The following ST6GALNAC5 variants were observed in gnomAD, a reference collection of about 807,000 sequenced individuals.
ST6GALNAC5 encodes the protein ST6 N-acetylgalactosaminide alpha-2,6-sialyltransferase 5, also known as alpha-N-acetylgalactosaminide alpha-2,6-sialyltransferase 5.
In ST6GALNAC5, 27 loss-of-function variants were observed where a neutral mutation model predicts 33.6. The ratio of observed to expected loss-of-function variants is 0.80; its 90% CI spans 0.59 to 1.11. The LOEUF is 1.11. Ranked by LOEUF, ST6GALNAC5 falls within the 50% of genes least tolerant of loss-of-function variation. The pLI, the probability that ST6GALNAC5 is intolerant of heterozygous loss-of-function variation, is 0.00. For synonymous variants in ST6GALNAC5, 194 were observed against 171.2 expected, an observed-to-expected ratio of 1.13 and a Z score of -1.04; for missense variants, 428 against 454.0, an observed-to-expected ratio of 0.94 and a Z score of 0.52.
chr1:77,031,117 C>A (rs966117144), intron 2 of ST6GALNAC5, among the ~76,000 whole-genome samples: 1 of 152,196 alleles, frequency 6.6e-6, no homozygotes, highest in Non-Finnish European at 1.5e-5. Flanking sequence ...AAGATTAAAG[C>A]AGGTGGCAAA....
intron 2 of ST6GALNAC5, among the ~76,000 whole-genome samples, chr1:76,881,357 A>T (rs1212449249): frequency 1.3e-5 from 2 of 152,190 alleles, no homozygotes; most frequent in Admixed American, 6.5e-5. Context: ...CTTTCTAAAT[A>T]AAAAATCACA....
intron 2 of ST6GALNAC5, among the ~76,000 whole-genome samples, chr1:77,028,917 C>A: frequency 6.6e-6 from 1 of 152,170 alleles, no homozygotes; most frequent in East Asian, 1.9e-4. Context: ...GTTGGGTTGG[C>A]TGTCAAAAAC....
At position 76,893,398 on chromosome 1, in the gene ST6GALNAC5, G is replaced by C. The variant is rs932931418; in HGVS notation, c.261+24656G>C. Among the ~76,000 whole-genome samples, 5 of 152,240 alleles carry C rather than the reference G, an allele frequency of 3.3e-5. No homozygotes were observed. The South Asian group carries it at 1.0e-3, about 32-fold the overall frequency. On this transcript the variant is annotated intron_variant, in intron 2 of 4. Coordinates refer to ENST00000477717, the MANE Select transcript of ST6GALNAC5 (RefSeq NM_030965.3). The stretch of plus-strand genomic sequence containing the variant: ...TGGAAAATTAGGGTATAAAACTTAA[G>C]TGTCTTTGGAGACAAACTGGATTTG...
At chr1:76,917,611 A>G (rs1056256224) in intron 2 of ST6GALNAC5, among the ~76,000 whole-genome samples, 2 of 151,802 alleles carry the variant, frequency 1.3e-5, no homozygotes, top group African/African-American at 4.8e-5. Context: ...AGGGTTCTCC[A>G]GGAATCAAAA....
intron 3 of ST6GALNAC5, among the ~76,000 whole-genome samples, chr1:77,049,187 T>G (rs1194032842): frequency 6.6e-6 from 1 of 152,128 alleles, no homozygotes; most frequent in Non-Finnish European, 1.5e-5. Context: ...AAAATAATGA[T>G]GCAAACTGAT....
intron 2 of ST6GALNAC5, among the ~76,000 whole-genome samples, chr1:76,997,188 G>A (rs1473192748): frequency 6.6e-6 from 1 of 152,150 alleles, no homozygotes; most frequent in Non-Finnish European, 1.5e-5. Context: ...TAAACCTGTT[G>A]AGTAGAAACT....
chr1:76,964,696 T>C (rs925947588), intron 2 of ST6GALNAC5, among the ~76,000 whole-genome samples: 1 of 152,150 alleles, frequency 6.6e-6, no homozygotes, highest in Non-Finnish European at 1.5e-5. Flanking sequence ...GCCATGTTGG[T>C]TTCCTGCACC....
chr1:76,893,062 T>C (rs1654047522), intron 2 of ST6GALNAC5, among the ~76,000 whole-genome samples: 2 of 152,208 alleles, frequency 1.3e-5, no homozygotes, highest in Non-Finnish European at 2.9e-5. Flanking sequence ...ATCATCCATA[T>C]ATGCACTCTT....
In ST6GALNAC5 at chr1:76,998,476, A is replaced by G. The variant is rs371189045; in HGVS notation, c.262-45728A>G. The stretch of plus-strand genomic sequence containing the variant: ...AAAATGTTTATGACAATTATATTGT[A>G]TATTCAAACAAAATGTATTCTTATT... On this transcript the variant is annotated intron_variant, in intron 2 of 4. Coordinates refer to ENST00000477717, the MANE Select transcript of ST6GALNAC5 (RefSeq NM_030965.3). Among the ~76,000 whole-genome samples the G allele has an allele frequency of 1.0e-3, 156 of 152,336 alleles. No homozygotes were observed. In the South Asian group the frequency reaches 0.014, roughly 13 times the overall value.
intron 2 of ST6GALNAC5, among the ~76,000 whole-genome samples, chr1:77,028,351 G>C (rs1010029775): frequency 1.3e-5 from 2 of 152,182 alleles, no homozygotes; most frequent in Non-Finnish European, 2.9e-5. Context: ...CTGGAGGTTG[G>C]AAAAATGATC....
In ST6GALNAC5 at chr1:76,867,492, GTC is replaced by G. The variant is rs1653364973; in HGVS notation, c.-180_-179del. ...GAGGGTCCGGTTCAGTTTTAATTCT[GTC>G]TCTAATCTCTGCAACAGCCGCGCTT... On this transcript the variant is annotated 5_prime_UTR_variant, in exon 1 of 5. Transcript: ENST00000477717. 3.5e-6 allele frequency: 3 copies of G among 860,030 alleles called. No homozygotes were observed. The Admixed American group carries it at 6.0e-5, about 17-fold the overall frequency. The allele number at this position is 860,030 out of a possible 1,614,324, so 53.3% of individuals were successfully genotyped here. A position where few individuals can be genotyped will look rare whatever the true frequency, so the allele number is the denominator to read the frequency against.
intron 2 of ST6GALNAC5, among the ~76,000 whole-genome samples, chr1:77,007,775 G>A (rs1368611966): frequency 6.6e-6 from 1 of 152,226 alleles, no homozygotes; most frequent in African/African-American, 2.4e-5. Flanking sequence ...GTGGCTTGCC[G>A]TAAGGGCAAA....
At chr1:76,971,998 C>G (rs568417190) in intron 2 of ST6GALNAC5, among the ~76,000 whole-genome samples, 1 of 152,076 alleles carries the variant, frequency 6.6e-6, no homozygotes, top group African/African-American at 2.4e-5. Context: ...TGATCTTTCC[C>G]GAAATATTTC....
chr1:77,022,300 A>G (rs1651084728), intron 2 of ST6GALNAC5, among the ~76,000 whole-genome samples: 1 of 152,240 alleles, frequency 6.6e-6, no homozygotes, highest in Admixed American at 6.5e-5. Flanking sequence ...CTTCCAGTTT[A>G]ACACATGCTT....
chr1:76,966,886 T>C (rs1005714583), intron 2 of ST6GALNAC5, among the ~76,000 whole-genome samples: 3 of 152,238 alleles, frequency 2.0e-5, no homozygotes, highest in African/African-American at 7.2e-5. Context: ...TCTGTTTATG[T>C]GATGGATTAT....
intron 3 of ST6GALNAC5, 65 bp downstream of exon 3, chr1:77,044,678 C>T: frequency 6.7e-7 from 1 of 1,501,080 alleles, no homozygotes. Context: ...GCTGACTCAC[C>T]CAAAGCAAAG....
intron 4 of ST6GALNAC5, among the ~76,000 whole-genome samples, chr1:77,059,434 T>C (rs1318768448): frequency 6.6e-6 from 1 of 152,184 alleles, no homozygotes; most frequent in African/African-American, 2.4e-5. Context: ...TTGGGGTTTA[T>C]CTAATGTTTT....
chr1:76,911,554 C>T (rs1385339508), intron 2 of ST6GALNAC5, among the ~76,000 whole-genome samples: 2 of 152,086 alleles, frequency 1.3e-5, no homozygotes, highest in Admixed American at 1.3e-4. Context: ...TAGAATTCGG[C>T]TGTGAATCCA....
intron 4 of ST6GALNAC5, among the ~76,000 whole-genome samples, chr1:77,054,890 A>G (rs1409857825): frequency 6.6e-6 from 1 of 152,138 alleles, no homozygotes; most frequent in African/African-American, 2.4e-5. Context: ...ATTCACATTT[A>G]AAACCCCAAG....
Sources: gnomAD v4.1 joint callset for allele counts (sites outside exome capture counted in the v4.1 genomes callset) on GRCh38, gnomAD v4.1.1 for gene constraint, MANE v1.5 for transcripts, NCBI Gene and HGNC (gene_info 2026-07-23, HGNC 2026-07-21) for gene names.